The following GLYATL3 variants were observed in gnomAD, a reference collection of about 807,000 sequenced individuals.
The protein encoded by GLYATL3 is glycine N-acyltransferase-like protein 3.
Under a neutral mutation model 28.5 loss-of-function variants are expected in GLYATL3, and 31 were observed. The ratio of observed to expected loss-of-function variants is 1.09; its 90% CI spans 0.82 to 1.47. The LOEUF (loss-of-function observed/expected upper bound fraction) is 1.47, where lower values mean the gene tolerates loss of function less well. Ranked by LOEUF, GLYATL3 falls within the 40% of genes most tolerant of loss-of-function variation. GLYATL3 has a pLI of 0.00. For synonymous variants in GLYATL3, 141 were observed against 140.2 expected, an observed-to-expected ratio of 1.01 and a Z score of -0.04; for missense variants, 369 against 351.5, an observed-to-expected ratio of 1.05 and a Z score of -0.40.
Position 49,526,680 on chromosome 6 carries a change from C to G in GLYATL3, c.633C>G (p.Thr211=), listed in dbSNP as rs772809453. Reference sequence around the variant, plus strand: ...GGTCCATCACAGACCAGTTTGCCACCATGTGCCATGGCTACACCCTGCCAG... The same window carrying G: ...GGTCCATCACAGACCAGTTTGCCACGATGTGCCATGGCTACACCCTGCCAG... ...VSWSITDQFA[T]MCHGYTLPEH... Residue 211 remains threonine, a synonymous_variant, in exon 6 of 6, where the codon ACC becomes ACG. Coordinates refer to ENST00000371197, the MANE Select transcript of GLYATL3 (RefSeq NM_001010904.2). The G allele has an allele frequency of 1.1e-5, 17 of 1,551,682 alleles. No homozygotes were observed. The African/African-American group carries it at 2.1e-4, about 19-fold the overall frequency.
chr6:49,517,556 G>A lies in GLYATL3; in HGVS notation c.313G>A (p.Gly105Arg). 6.5e-7 allele frequency: 1 copy of A among 1,549,480 alleles called. No homozygotes were observed. The highest frequency in any genetic ancestry group is 8.7e-7 in the Non-Finnish European group (1 of 1,145,640). ...CTGGGACCAAGTTTTTCAAATACAA[G>A]GTGAGGTCAAGTGCAAGACTTATAT... ...FNWDQVFQIQ[G>R]LQSELYDVSK... Residue 105 changes from glycine to arginine, a missense_variant and splice_region_variant, in exon 4 of 6, where the codon GGG (glycine) becomes AGG (arginine). Transcript: ENST00000371197.
intron 5 of GLYATL3, among the ~76,000 whole-genome samples, chr6:49,525,595 A>T: frequency 7.2e-6 from 1 of 137,970 alleles, no homozygotes; most frequent in Admixed American, 7.5e-5. Flanking sequence ...AAAAAAAAAA[A>T]TTCAGCAACG....
chr6:49,521,086 T>C lies in GLYATL3; in HGVS notation c.314-559T>C, dbSNP rs1315528275. On this transcript the variant is annotated intron_variant, in intron 4 of 5. Transcript: ENST00000371197. ...ATGAACATTGTCTAGTACAGTACTT[T>C]ATATATATACAACACCTACTGAATC... Among the ~76,000 whole-genome samples the C allele has an allele frequency of 6.6e-5, 10 of 152,148 alleles. No homozygotes were observed. The East Asian group carries it at 1.9e-3, about 29-fold the overall frequency.
At chr6:49,524,955 C>T (rs1321684808) in intron 5 of GLYATL3, among the ~76,000 whole-genome samples, 1 of 124,202 alleles carries the variant, frequency 8.1e-6, no homozygotes, top group Non-Finnish European at 1.6e-5. Flanking sequence ...GGCAACAATG[C>T]GAGACTCCCT....
At chr6:49,501,726 A>G (rs1257743531) in intron 1 of GLYATL3, among the ~76,000 whole-genome samples, 1 of 152,252 alleles carries the variant, frequency 6.6e-6, no homozygotes, top group East Asian at 1.9e-4. Context: ...AAGCTAGACA[A>G]CTAGTTAGAC....
Position 49,526,762 on chromosome 6 carries a change from C to A in GLYATL3, c.715C>A (p.Gln239Lys). ...LVALTLARKL[Q>K]SRGFPSQGNV... The stretch of plus-strand genomic sequence containing the variant: ...GGCCCTCACGCTGGCCAGGAAGTTG[C>A]AAAGCCGGGGATTCCCCTCTCAGGG... The change falls in exon 6 of 6, where the codon CAA becomes AAA. Residue 239 changes from glutamine to lysine, a missense_variant. Physicochemically the swap from Gln to Lys is moderately conservative, Grantham distance 53. Coordinates refer to ENST00000371197, the MANE Select transcript of GLYATL3 (RefSeq NM_001010904.2). 1 of 1,551,786 alleles carries A rather than the reference C, an allele frequency of 6.4e-7. No individual in the cohort carries two copies. Among genetic ancestry groups the A allele is most frequent in the Non-Finnish European group, 8.7e-7 (1 of 1,147,020 alleles).
intron 1 of GLYATL3, among the ~76,000 whole-genome samples, chr6:49,506,281 T>C (rs1312703445): frequency 6.6e-6 from 1 of 152,212 alleles, no homozygotes; most frequent in African/African-American, 2.4e-5. Flanking sequence ...AATTAATTCA[T>C]CTTTAGTGGG....
intron 1 of GLYATL3, among the ~76,000 whole-genome samples, chr6:49,505,548 T>C (rs950069306): frequency 2.0e-5 from 3 of 152,174 alleles, no homozygotes; most frequent in Non-Finnish European, 4.4e-5. Context: ...TAAGTTCTGG[T>C]AGAATCCAGG....
intron 1 of GLYATL3, among the ~76,000 whole-genome samples, chr6:49,506,710 C>A (rs536532569): frequency 6.6e-6 from 1 of 152,022 alleles, no homozygotes; most frequent in Non-Finnish European, 1.5e-5. Flanking sequence ...GAGACAAGGA[C>A]GGCTCAATAG....
At position 49,512,086 on chromosome 6, in the gene GLYATL3, AT is replaced by A; in HGVS notation, c.78+22del. 9.8e-7 allele frequency: 1 copy of A among 1,021,834 alleles called. No homozygotes were observed. The highest frequency in any genetic ancestry group is 1.5e-6 in the Non-Finnish European group (1 of 686,092). 63.3% of individuals were successfully genotyped at this position (1,021,834 alleles called of 1,614,324 possible). ...CACTCAAGGTACCATAAAATTAATA[AT>A]TTTATTTTATTTCTTTATTGTGTTA... On this transcript the variant is annotated intron_variant, in intron 2 of 5. Coordinates refer to ENST00000371197, the MANE Select transcript of GLYATL3 (RefSeq NM_001010904.2).
chr6:49,519,448 C>G (rs1204243894), intron 4 of GLYATL3, among the ~76,000 whole-genome samples: 1 of 152,166 alleles, frequency 6.6e-6, no homozygotes, highest in African/African-American at 2.4e-5. Context: ...TGACTACAGA[C>G]TTCTGTGGTA....
chr6:49,501,247 T>TG (rs565174793), intron 1 of GLYATL3, among the ~76,000 whole-genome samples: 1 of 151,648 alleles, frequency 6.6e-6, no homozygotes, highest in Non-Finnish European at 1.5e-5. Context: ...ACTAAAAATA[T>TG]AAAAAAAACT....
intron 5 of GLYATL3, among the ~76,000 whole-genome samples, chr6:49,524,904 CAG>C (rs1165977955): frequency 7.0e-6 from 1 of 141,900 alleles, no homozygotes; most frequent in Non-Finnish European, 1.5e-5. Context: ...CGCTTGAACT[CAG>C]GGGGCAGAGG....
intron 4 of GLYATL3, among the ~76,000 whole-genome samples, chr6:49,520,576 G>A (rs1769296523): frequency 6.6e-6 from 1 of 152,172 alleles, no homozygotes; most frequent in Non-Finnish European, 1.5e-5. Flanking sequence ...CTTACCAGTG[G>A]GGAAGAAACA....
chr6:49,516,819 AT>A (rs1166347923), intron 3 of GLYATL3, among the ~76,000 whole-genome samples: 1 of 151,906 alleles, frequency 6.6e-6, no homozygotes, highest in Non-Finnish European at 1.5e-5. Flanking sequence ...AATTTTTAAA[AT>A]TTTTAAACAA....
At chr6:49,504,439 C>T (rs752189854) in intron 1 of GLYATL3, among the ~76,000 whole-genome samples, 4 of 151,886 alleles carry the variant, frequency 2.6e-5, no homozygotes, top group Admixed American at 6.6e-5. Context: ...GCCTTTTGAC[C>T]GTATATTAGA....
At chr6:49,508,765 A>G (rs921162991) in intron 1 of GLYATL3, among the ~76,000 whole-genome samples, 4 of 152,162 alleles carry the variant, frequency 2.6e-5, no homozygotes, top group African/African-American at 9.7e-5. Context: ...ACAATCCTGC[A>G]TGCAATTTTG....
At chr6:49,515,447 A>T (rs1769198261) in intron 2 of GLYATL3, among the ~76,000 whole-genome samples, 1 of 152,172 alleles carries the variant, frequency 6.6e-6, no homozygotes, top group African/African-American at 2.4e-5. Flanking sequence ...GATTTCATAG[A>T]CTTTTTACAA....
At position 49,526,822 on chromosome 6, in the gene GLYATL3, C is replaced by T. The variant is rs1374489895; in HGVS notation, c.775C>T (p.Leu259Phe). The T allele has an allele frequency of 1.9e-6, 3 of 1,552,176 alleles. No individual in the cohort carries two copies. The highest frequency in any genetic ancestry group is 2.6e-6 in the Non-Finnish European group (3 of 1,147,064). ...GGATGACAACACGGCGTCTATAAGC[C>T]TCCTGAAGAGTCTCCATGCTGAGTT... ...VLDDNTASISLLKSLHAEFLP... is the reference protein window; with the variant it reads ...VLDDNTASISFLKSLHAEFLP... The change falls in exon 6 of 6, where the codon CTC becomes TTC. Residue 259 changes from leucine (L) to phenylalanine (F), a missense_variant. Coordinates refer to ENST00000371197, the MANE Select transcript of GLYATL3 (RefSeq NM_001010904.2).
Sources: allele counts gnomAD v4.1 joint callset (sites outside exome capture counted in the v4.1 genomes callset), GRCh38; gene constraint gnomAD v4.1.1; transcripts MANE v1.5; gene names NCBI Gene and HGNC (gene_info 2026-07-23, HGNC 2026-07-21).